CPA6: variants seen among roughly 807,000 people sequenced by gnomAD.
CPA6 encodes the protein carboxypeptidase B.
Under a neutral mutation model 63.3 loss-of-function variants are expected in CPA6, and 58 were observed. The observed-to-expected ratio is 0.92, with a 90% CI of 0.74 to 1.14. CPA6 has a LOEUF of 1.14. Ranked by LOEUF, CPA6 falls within the 50% of genes most tolerant of loss-of-function variation. The pLI, the probability that CPA6 is intolerant of heterozygous loss-of-function variation, is 0.00. For synonymous variants in CPA6, 185 were observed against 179.0 expected, an observed-to-expected ratio of 1.03 and a Z score of -0.27; for missense variants, 565 against 526.6, an observed-to-expected ratio of 1.07 and a Z score of -0.71.
At chr8:67,574,724 T>TCTC (rs1813579137) in intron 2 of CPA6, among the ~76,000 whole-genome samples, 1 of 151,890 alleles carries the variant, frequency 6.6e-6, no homozygotes, top group Non-Finnish European at 1.5e-5. Flanking sequence ...TCACCCCATA[T>TCTC]ACAAAAATTT....
intron 9 of CPA6, among the ~76,000 whole-genome samples, chr8:67,429,339 T>C (rs945942911): frequency 6.6e-6 from 1 of 152,304 alleles, no homozygotes; most frequent in South Asian, 2.1e-4. Context: ...AAGTATTACA[T>C]GACAAATGAG....
chr8:67,434,242 T>G lies in CPA6; in HGVS notation c.839-2A>C, dbSNP rs756289250. On this transcript the variant is annotated splice_acceptor_variant, in intron 8 of 10. Transcript: ENST00000297770. LOFTEE classifies it high-confidence loss of function. ...AAGGGTGCATAGAAGCTCCTTCATC[T>G]GCAAGTCAGAAAAGAAAATGGGGTA... is the stretch of plus-strand genomic sequence containing the variant. The G allele has an allele frequency of 6.2e-6, 10 of 1,613,066 alleles. No individual in the cohort carries two copies. The highest frequency in any genetic ancestry group is 8.5e-6 in the Non-Finnish European group (10 of 1,179,250).
intron 1 of CPA6, among the ~76,000 whole-genome samples, chr8:67,722,747 A>G (rs1490270381): frequency 6.6e-6 from 1 of 152,104 alleles, no homozygotes; most frequent in African/African-American, 2.4e-5. Context: ...ATGTGTTGGG[A>G]AGAAGAGATG....
chr8:67,435,631 T>TGTGC (rs1403695139), intron 8 of CPA6, among the ~76,000 whole-genome samples: 6 of 133,506 alleles, frequency 4.5e-5, no homozygotes, highest in Admixed American at 7.0e-5. Flanking sequence ...TGCGTGCATG[T>TGTGC]GTGTGTGTGT....
intron 1 of CPA6, among the ~76,000 whole-genome samples, chr8:67,670,179 T>C (rs1203504392): frequency 2.0e-5 from 3 of 152,194 alleles, no homozygotes; most frequent in African/African-American, 7.2e-5. Context: ...GTGTAATTTA[T>C]AAAGAAAAGA....
At chr8:67,453,961 CACTGGAATATTCT>C (rs1320632923) in intron 8 of CPA6, among the ~76,000 whole-genome samples, 2 of 152,196 alleles carry the variant, frequency 1.3e-5, no homozygotes, top group Non-Finnish European at 2.9e-5. Context: ...GCACATTAGA[CACTGGAATATTCT>C]ACAGCATTTT....
intron 1 of CPA6, among the ~76,000 whole-genome samples, chr8:67,733,196 CAAAAAAAAAAAAAA>C (rs1211323183): frequency 6.7e-5 from 1 of 14,896 alleles, no homozygotes; most frequent in South Asian, 4.2e-3. Context: ...GACTCCATCT[CAAAAAAAAAAAAAA>C]AAAAAAAAAA....
chr8:67,567,663 A>G (rs1166165313), intron 2 of CPA6, among the ~76,000 whole-genome samples: 2 of 152,230 alleles, frequency 1.3e-5, no homozygotes, highest in Non-Finnish European at 2.9e-5. Flanking sequence ...TGTGTGTTCC[A>G]TGGAATTGAA....
chr8:67,542,467 T>C (rs1222551020), intron 2 of CPA6, among the ~76,000 whole-genome samples: 1 of 152,224 alleles, frequency 6.6e-6, no homozygotes, highest in African/African-American at 2.4e-5. Context: ...TGTGGACAGG[T>C]ACTCATGCAG....
At chr8:67,605,225 A>G (rs957207392) in intron 2 of CPA6, among the ~76,000 whole-genome samples, 36 of 152,038 alleles carry the variant, frequency 2.4e-4, no homozygotes, top group African/African-American at 6.3e-4. Flanking sequence ...AGAGTATTCC[A>G]TTTAGATCTG....
At chr8:67,690,268 A>AT (rs1394048356) in intron 1 of CPA6, among the ~76,000 whole-genome samples, 1 of 152,152 alleles carries the variant, frequency 6.6e-6, no homozygotes, top group Non-Finnish European at 1.5e-5. Flanking sequence ...TAGAATTCTC[A>AT]TTTTTTAGAA....
chr8:67,621,969 C>T (rs1815093570), intron 2 of CPA6, among the ~76,000 whole-genome samples: 1 of 152,184 alleles, frequency 6.6e-6, no homozygotes, highest in Admixed American at 6.5e-5. Context: ...CAGTCTAGAG[C>T]TTTGATTCCA....
intron 2 of CPA6, among the ~76,000 whole-genome samples, chr8:67,562,808 G>A (rs1325454449): frequency 6.6e-6 from 1 of 152,096 alleles, no homozygotes; most frequent in Non-Finnish European, 1.5e-5. Flanking sequence ...CCTTGATCTT[G>A]GATTACCCTG....
At chr8:67,644,430 T>C (rs1255487715) in intron 1 of CPA6, among the ~76,000 whole-genome samples, 1 of 152,202 alleles carries the variant, frequency 6.6e-6, no homozygotes, top group Non-Finnish European at 1.5e-5. Flanking sequence ...TATGGCTGTC[T>C]TGGCTTGCAG....
chr8:67,691,517 G>A (rs982203210), intron 1 of CPA6, among the ~76,000 whole-genome samples: 1 of 152,174 alleles, frequency 6.6e-6, no homozygotes, highest in Non-Finnish European at 1.5e-5. Flanking sequence ...GGCCTGAGAA[G>A]GTGGTGGGAA....
At chr8:67,643,697 G>A (rs1466122464) in intron 1 of CPA6, among the ~76,000 whole-genome samples, 2 of 152,000 alleles carry the variant, frequency 1.3e-5, no homozygotes, top group African/African-American at 4.8e-5. Context: ...GCTGAGTGGT[G>A]GACATATAGG....
intron 2 of CPA6, among the ~76,000 whole-genome samples, chr8:67,540,445 C>A (rs1369054536): frequency 6.6e-6 from 1 of 152,188 alleles, no homozygotes; most frequent in Non-Finnish European, 1.5e-5. Flanking sequence ...TCTGTCAAAC[C>A]CTGCTGGGAG....
intron 3 of CPA6, 65 bp from the exon 4 acceptor site, chr8:67,511,720 C>A: frequency 2.3e-6 from 2 of 870,442 alleles, no homozygotes; most frequent in Admixed American, 1.8e-5. Context: ...AGGCAACACC[C>A]AGAAAAAATC....
At chr8:67,456,291 T>C (rs1587445848) in intron 8 of CPA6, among the ~76,000 whole-genome samples, 1 of 152,210 alleles carries the variant, frequency 6.6e-6, no homozygotes, top group Non-Finnish European at 1.5e-5. Flanking sequence ...TCTTCCCTGC[T>C]CAAGGTCTCC....
Sources: gnomAD v4.1 joint callset for allele counts (sites outside exome capture counted in the v4.1 genomes callset) on GRCh38, gnomAD v4.1.1 for gene constraint, MANE v1.5 for transcripts, NCBI Gene and HGNC (gene_info 2026-07-23, HGNC 2026-07-21) for gene names.